The following DLGAP2 variants were observed in gnomAD, a reference collection of about 807,000 sequenced individuals.
DLGAP2 encodes DLG associated protein 2, also known as disks large-associated protein 2.
DLGAP2 carries 26 observed loss-of-function variants against 100.3 expected under a neutral mutation model. The observed-to-expected ratio is 0.26, with a 90% CI of 0.19 to 0.36. The LOEUF (loss-of-function observed/expected upper bound fraction) is 0.36, where lower values mean the gene tolerates loss of function less well. DLGAP2 is among the 10% of genes least tolerant of loss of function. The pLI, the probability that DLGAP2 is intolerant of heterozygous loss-of-function variation, is 1.00. For synonymous variants in DLGAP2, 886 were observed against 630.1 expected (o/e 1.41, Z -6.08); for missense variants, 1,858 against 1,453.2 (o/e 1.28, Z -4.53).
At chr8:1,390,160 T>C (rs1018163615) in intron 3 of DLGAP2, among the ~76,000 whole-genome samples, 4 of 151,850 alleles carry the variant, frequency 2.6e-5, no homozygotes, top group African/African-American at 9.7e-5. Flanking sequence ...ATCGAGGCAC[T>C]CTCTGAGCTC....
intron 1 of DLGAP2, among the ~76,000 whole-genome samples, chr8:872,608 C>T (rs973070694): frequency 4.6e-5 from 7 of 152,106 alleles, no homozygotes; most frequent in Non-Finnish European, 5.9e-5. Flanking sequence ...GGATTACAGG[C>T]GTGAGCCACT....
intron 2 of DLGAP2, among the ~76,000 whole-genome samples, chr8:967,290 T>A (rs2129011461): frequency 1.3e-5 from 2 of 152,358 alleles, no homozygotes; most frequent in East Asian, 3.9e-4. Context: ...AAAATGGGAA[T>A]GAGCCCAGCT....
intron 2 of DLGAP2, among the ~76,000 whole-genome samples, chr8:1,224,655 A>G (rs1798379289): frequency 1.3e-5 from 2 of 152,250 alleles, no homozygotes; most frequent in Admixed American, 6.5e-5. Flanking sequence ...ACTAAAATCC[A>G]GAATGAAAAG....
At chr8:922,130 G>A (rs1377491510) in intron 2 of DLGAP2, among the ~76,000 whole-genome samples, 2 of 152,236 alleles carry the variant, frequency 1.3e-5, no homozygotes, top group African/African-American at 2.4e-5. Context: ...ATCTGTCCTT[G>A]TTTTCAGAGG....
intron 3 of DLGAP2, among the ~76,000 whole-genome samples, chr8:1,311,142 T>A (rs918819228): frequency 6.6e-6 from 1 of 152,038 alleles, no homozygotes; most frequent in African/African-American, 2.4e-5. Context: ...AAGACAATAC[T>A]ATGAACAATT....
At chr8:1,207,990 TGAA>T (rs1218342138) in intron 2 of DLGAP2, among the ~76,000 whole-genome samples, 11 of 152,228 alleles carry the variant, frequency 7.2e-5, no homozygotes, top group Non-Finnish European at 5.9e-5. Context: ...GCATAGTTTT[TGAA>T]GATTTTCTCC....
intron 3 of DLGAP2, among the ~76,000 whole-genome samples, chr8:1,307,869 G>C (rs1414721089): frequency 6.6e-6 from 1 of 152,154 alleles, no homozygotes; most frequent in African/African-American, 2.4e-5. Flanking sequence ...GGGCGCTGGA[G>C]GGAAGGAGAA....
intron 3 of DLGAP2, among the ~76,000 whole-genome samples, chr8:1,443,185 C>T (rs1444334680): frequency 6.6e-6 from 1 of 152,182 alleles, no homozygotes; most frequent in Non-Finnish European, 1.5e-5. Context: ...CATAGATCAA[C>T]ATGAAAAGAT....
At position 927,005 on chromosome 8, in the gene DLGAP2, C is replaced by G. The variant is rs961839581; in HGVS notation, c.73+19039C>G. 7 of 984,996 alleles carry G rather than the reference C, an allele frequency of 7.1e-6. No individual in the cohort carries two copies. In the African/African-American group the frequency reaches 8.7e-5, roughly 12 times the overall value. 61.0% of individuals were successfully genotyped at this position (984,996 alleles called of 1,614,324 possible). ...GAAAAGCCGGGGCCAGAGGACCCCC[C>G]GCCGAGAAAGAGAAAGAGCTCAGAG... On this transcript the variant is annotated intron_variant, in intron 2 of 14. Coordinates refer to ENST00000637795, the MANE Select transcript of DLGAP2 (RefSeq NM_001346810.2).
At position 968,044 on chromosome 8, in the gene DLGAP2, A is replaced by G. The variant is rs554389082; in HGVS notation, c.73+60078A>G. Among the ~76,000 whole-genome samples, 258 of 151,294 alleles carry G rather than the reference A, an allele frequency of 1.7e-3. 1 individual carries two copies. Among genetic ancestry groups the G allele is most frequent in the African/African-American group, 6.0e-3 (247 of 41,186 alleles). On this transcript the variant is annotated intron_variant, in intron 2 of 14. Transcript: ENST00000637795. ...TGCTCATTTGCCCTCATGCTGACAC[A>G]GATGCACACACATTGTTATTCACCT...
intron 2 of DLGAP2, among the ~76,000 whole-genome samples, chr8:971,505 C>T (rs908331367): frequency 2.6e-5 from 4 of 152,220 alleles, no homozygotes; most frequent in East Asian, 3.9e-4. Flanking sequence ...CAGCTGGAGT[C>T]AGCACCCACT....
chr8:1,413,137 C>T (rs1284718753), intron 3 of DLGAP2, among the ~76,000 whole-genome samples: 2 of 152,154 alleles, frequency 1.3e-5, no homozygotes, highest in Non-Finnish European at 2.9e-5. Flanking sequence ...ATTTGCCCCT[C>T]TGTGTTTTCT....
chr8:1,387,027 A>T (rs910213093), intron 3 of DLGAP2, among the ~76,000 whole-genome samples: 1 of 152,212 alleles, frequency 6.6e-6, no homozygotes, highest in Non-Finnish European at 1.5e-5. Context: ...TGTTAATTGG[A>T]CGTCATATTG....
At chr8:942,145 G>A (rs74967166) in intron 2 of DLGAP2, among the ~76,000 whole-genome samples, 2 of 152,158 alleles carry the variant, frequency 1.3e-5, no homozygotes, top group Non-Finnish European at 1.5e-5. Context: ...ATGGGGTCTT[G>A]CACTGTTTGC....
At chr8:1,511,903 C>G (rs571442247) in intron 4 of DLGAP2, among the ~76,000 whole-genome samples, 1 of 152,370 alleles carries the variant, frequency 6.6e-6, no homozygotes, top group Admixed American at 6.5e-5. Context: ...AAACATTAGG[C>G]TCCAAGTCTT....
At chr8:746,482 G>A (rs1316227535) in intron 1 of DLGAP2, among the ~76,000 whole-genome samples, 2 of 152,230 alleles carry the variant, frequency 1.3e-5, no homozygotes, top group Admixed American at 6.5e-5. Context: ...AGCTGGGGGC[G>A]CAGCCTCCAC....
chr8:1,637,567 A>G (rs1341467722), intron 8 of DLGAP2, among the ~76,000 whole-genome samples: 1 of 152,174 alleles, frequency 6.6e-6, no homozygotes, highest in Non-Finnish European at 1.5e-5. Flanking sequence ...AAAAAGTCAC[A>G]CATGATCACT....
At chr8:1,628,352 G>A (rs1797560097) in intron 7 of DLGAP2, among the ~76,000 whole-genome samples, 1 of 146,278 alleles carries the variant, frequency 6.8e-6, no homozygotes, top group African/African-American at 2.6e-5. Flanking sequence ...CTGTGGAGCA[G>A]GGATTAAGAG....
At chr8:766,810 C>G (rs1821227263) in intron 1 of DLGAP2, among the ~76,000 whole-genome samples, 1 of 152,160 alleles carries the variant, frequency 6.6e-6, no homozygotes, top group Non-Finnish European at 1.5e-5. Context: ...CTGTGTCCAT[C>G]CTGAGGCTCG....
Sources: allele counts gnomAD v4.1 joint callset (sites outside exome capture counted in the v4.1 genomes callset), GRCh38; gene constraint gnomAD v4.1.1; transcripts MANE v1.5; gene names NCBI Gene and HGNC (gene_info 2026-07-23, HGNC 2026-07-21).